The following BTN3A1 variants were observed in gnomAD, a reference collection of about 807,000 sequenced individuals.
BTN3A1 encodes the protein butyrophilin subfamily 3 member A1.
In BTN3A1, 24 loss-of-function variants were observed where a neutral mutation model predicts 43.0. The observed-to-expected ratio is 0.56, with a 90% CI of 0.40 to 0.78. The LOEUF is 0.78. Ranked by LOEUF, BTN3A1 falls within the 30% of genes least tolerant of loss-of-function variation. The pLI is 0.00. For synonymous variants in BTN3A1, 181 were observed against 234.7 expected (o/e 0.77, Z 2.09); for missense variants, 533 against 626.2 (o/e 0.85, Z 1.59).
rs775819336 is a variant in BTN3A1 at position 26,413,320 on chromosome 6, C to A, written c.1170C>A (p.Phe390Leu). Reference protein sequence around the residue: ...WHYCVLGCESFISGRHYWEVE... With the variant: ...WHYCVLGCESLISGRHYWEVE... ...ATTGTGTTCTCGGCTGTGAGAGCTT[C>A]ATATCAGGGAGACATTACTGGGAGG... The change falls in exon 10 of 10, where the codon TTC (phenylalanine) becomes TTA (leucine). Residue 390 changes from phenylalanine to leucine, a missense_variant. By Grantham distance (22) the Phe-to-Leu change is conservative (BLOSUM62 0). This residue lies in a region of BTN3A1 where 415 missense variants were observed against 427.0 expected (regional missense o/e 0.97). Coordinates refer to ENST00000289361, the MANE Select transcript of BTN3A1 (RefSeq NM_007048.6). 6.2e-7 allele frequency: 1 copy of A among 1,614,142 alleles called. No individual in the cohort carries two copies. The highest frequency in any genetic ancestry group is 1.1e-5 in the South Asian group (1 of 91,082).
chr6:26,406,999 A>T (rs944113681), intron 3 of BTN3A1, among the ~76,000 whole-genome samples: 4 of 152,106 alleles, frequency 2.6e-5, no homozygotes, highest in African/African-American at 9.7e-5. Flanking sequence ...CTCATTGCTG[A>T]TGGGGGTTGT....
intron 7 of BTN3A1, among the ~76,000 whole-genome samples, chr6:26,410,905 C>T (rs910538681): frequency 6.7e-6 from 1 of 149,112 alleles, no homozygotes; most frequent in African/African-American, 2.5e-5. Context: ...GCAATGTCTG[C>T]CATGTCACTA....
In BTN3A1 at chr6:26,413,635, T is replaced by C. The variant is rs769033629; in HGVS notation, c.1485T>C (p.Tyr495=). 6.2e-7 allele frequency: 1 copy of C among 1,614,028 alleles called. No individual in the cohort carries two copies. Among genetic ancestry groups the C allele is most frequent in the South Asian group, 1.1e-5 (1 of 91,080 alleles). Residue 495 remains tyrosine (Y), a synonymous_variant, in exon 10 of 10, where the codon TAT becomes TAC. Transcript: ENST00000289361. ...FLDVSFSEAL[Y]PVFRILTLEP... ...ACGTCTCCTTCTCTGAGGCTCTATA[T>C]CCTGTTTTCAGAATTTTGACCTTGG...
chr6:26,407,522 A>G lies in BTN3A1; in HGVS notation c.434-149A>G, dbSNP rs1156528714. 6.2e-6 allele frequency: 6 copies of G among 969,350 alleles called. No homozygotes were observed. The Admixed American group carries it at 7.9e-5, about 13-fold the overall frequency. The allele number at this position is 969,350 out of a possible 1,614,324, so 60.0% of individuals were successfully genotyped here. A position where few individuals can be genotyped will look rare whatever the true frequency, so the allele number is the denominator to read the frequency against. ...CCTGGGATACTGCACTCATTCATGT[A>G]GCTTTCTCCTCACTAGGACCACACT... On this transcript the variant is annotated intron_variant, in intron 3 of 9. Transcript: ENST00000289361.
intron 3 of BTN3A1, 36 bp from the exon 4 acceptor site, chr6:26,407,635 C>T (rs759300601): frequency 1.9e-6 from 3 of 1,604,026 alleles, no homozygotes; most frequent in Admixed American, 3.3e-5. Context: ...CTGATACAGG[C>T]CTCTCAAGAA....
chr6:26,411,618 C>A (rs1205755807), intron 9 of BTN3A1, 37 bp downstream of exon 9: 2 of 1,600,674 alleles, frequency 1.2e-6, no homozygotes, highest in Non-Finnish European at 1.7e-6. Flanking sequence ...GACCAACAAC[C>A]TGAGGGACTA....
rs370669442 is a variant in BTN3A1, at chr6:26,411,543, C to T, written c.992-12C>T. On this transcript the variant is annotated splice_polypyrimidine_tract_variant and intron_variant, in intron 8 of 9. Transcript: ENST00000289361. ...ACTGACCTTTTCCTTATCTGTGTCT[C>T]CTTCCTTTCAGAATGGAAAAAGGCC... 3.7e-6 allele frequency: 6 copies of T among 1,613,328 alleles called. No homozygotes were observed. The African/African-American group carries it at 6.7e-5, about 18-fold the overall frequency.
In BTN3A1 at chr6:26,405,501, T is replaced by C. The variant is rs1761981619; in HGVS notation, c.-63T>C. ...GTGGAGGTTTCCATTTGGAATTCTA[T>C]AGCTTCTTCCAGGTCATAGTGTCTG... On this transcript the variant is annotated 5_prime_UTR_variant, in exon 2 of 10. Transcript: ENST00000289361. 9 of 1,488,036 alleles carry C rather than the reference T, an allele frequency of 6.0e-6. No homozygotes were observed. The highest frequency in any genetic ancestry group is 5.0e-5 in the Admixed American group (3 of 59,726). 92.2% of individuals were successfully genotyped at this position (1,488,036 alleles called of 1,614,324 possible).
chr6:26,409,945 A>G (rs774910093), intron 6 of BTN3A1, 31 bp downstream of exon 6: 2 of 1,614,150 alleles, frequency 1.2e-6, no homozygotes, highest in Admixed American at 1.7e-5. Context: ...AGACCCAGGC[A>G]TGTCTTCCTG....
Position 26,407,939 on chromosome 6 carries a change from C to T in BTN3A1, c.702C>T (p.Ser234=), listed in dbSNP as rs1257328332. The T allele has an allele frequency of 1.9e-6, 3 of 1,614,016 alleles. No homozygotes were observed. The highest frequency in any genetic ancestry group is 1.7e-6 in the Non-Finnish European group (2 of 1,180,002). ...SSLLGLEKTA[S]ISIADPFFRS... Reference sequence around the variant, plus strand: ...TCCTCGGCCTGGAAAAGACAGCCAGCATTTCCATCGCAGGTCAGTACCTGC... The same window carrying T: ...TCCTCGGCCTGGAAAAGACAGCCAGTATTTCCATCGCAGGTCAGTACCTGC... The change falls in exon 4 of 10, where the codon AGC becomes AGT. Residue 234 remains serine, a synonymous_variant. Coordinates refer to ENST00000289361, the MANE Select transcript of BTN3A1 (RefSeq NM_007048.6).
intron 3 of BTN3A1, among the ~76,000 whole-genome samples, chr6:26,407,114 C>T (rs1343425096): frequency 1.3e-5 from 2 of 152,178 alleles, no homozygotes; most frequent in African/African-American, 2.4e-5. Context: ...CACAAAGTGC[C>T]ATCATCTGAT....
chr6:26,413,760 G>C lies in BTN3A1; in HGVS notation c.*68G>C. The C allele has an allele frequency of 2.5e-6, 4 of 1,604,426 alleles. No individual in the cohort carries two copies. The East Asian group carries it at 8.9e-5, about 36-fold the overall frequency. On this transcript the variant is annotated 3_prime_UTR_variant, in exon 10 of 10. Transcript: ENST00000289361. ...ATTCCCTAGAGACACCAGTAACCCC[G>C]GGCTTAGCTAACGAAAGTGGGGAGC...
rs1761980857 is a variant in BTN3A1 at position 26,405,473 on chromosome 6, GA to G, written c.-89del. ...TCACCATACTTGAGTTAGCTCTAGG[GA>G]AGTGGAGGTTTCCATTTGGAATTCT... On this transcript the variant is annotated 5_prime_UTR_variant, in exon 2 of 10. Transcript: ENST00000289361. The G allele has an allele frequency of 2.5e-5, 32 of 1,256,092 alleles. No homozygotes were observed. Among genetic ancestry groups the G allele is most frequent in the Non-Finnish European group, 3.7e-5 (32 of 857,310 alleles). 77.8% of individuals were successfully genotyped at this position (1,256,092 alleles called of 1,614,324 possible).
Position 26,414,469 on chromosome 6 carries a change from A to G in BTN3A1, c.*777A>G, listed in dbSNP as rs989855925. The stretch of plus-strand genomic sequence containing the variant: ...TCTGCAGAGTGTCTTGGTTGAGAGA[A>G]TAACCTCACCGTACCCACATGACAC... On this transcript the variant is annotated 3_prime_UTR_variant, in exon 10 of 10. Transcript: ENST00000289361. 9 of 152,430 alleles carry G rather than the reference A, an allele frequency of 5.9e-5. No homozygotes were observed. Among genetic ancestry groups the G allele is most frequent in the African/African-American group, 2.2e-4 (9 of 41,440 alleles). 9.4% of individuals were successfully genotyped at this position (152,430 alleles called of 1,614,324 possible). A position where few individuals can be genotyped will look rare whatever the true frequency, so the allele number is the denominator to read the frequency against.
At chr6:26,408,023 G>A in intron 4 of BTN3A1, 71 bp downstream of exon 4, 1 of 1,585,984 alleles carries the variant, frequency 6.3e-7, no homozygotes, top group African/African-American at 1.3e-5. Context: ...AGGTGTTAGT[G>A]TCTGCAGTCA....
At chr6:26,412,798 G>A in intron 9 of BTN3A1, 1 of 1,551,190 alleles carries the variant, frequency 6.4e-7, no homozygotes, top group Non-Finnish European at 8.7e-7. Flanking sequence ...TTTAGCTCAT[G>A]AGTGGTCGAA....
At chr6:26,407,640 C>A in intron 3 of BTN3A1, 31 bp from the exon 4 acceptor site, 1 of 1,607,908 alleles carries the variant, frequency 6.2e-7, no homozygotes. Context: ...ACAGGCCTCT[C>A]AAGAATTTAG....
intron 4 of BTN3A1, among the ~76,000 whole-genome samples, chr6:26,408,281 A>T (rs994611340): frequency 3.9e-5 from 6 of 152,224 alleles, no homozygotes; most frequent in African/African-American, 1.4e-4. Flanking sequence ...AGAAAGAGCC[A>T]ATCTCCTTGA....
Position 26,415,130 on chromosome 6 carries a change from T to C in BTN3A1, c.*1438T>C, listed in dbSNP as rs1012922868. 4 of 152,190 alleles carry C rather than the reference T, an allele frequency of 2.6e-5. No individual in the cohort carries two copies. Among genetic ancestry groups the C allele is most frequent in the Non-Finnish European group, 5.9e-5 (4 of 68,026 alleles). The allele number at this position is 152,190 out of a possible 1,614,324, so 9.4% of individuals were successfully genotyped here. ...CTACTCCTCATTATCATCATTATTA[T>C]TGCTCTCCACTGTATCCCCTCTACC... On this transcript the variant is annotated 3_prime_UTR_variant, in exon 10 of 10. Transcript: ENST00000289361.
Sources: gnomAD v4.1 joint callset for allele counts (sites outside exome capture counted in the v4.1 genomes callset) on GRCh38, gnomAD v4.1.1 for gene constraint, gnomAD v4.1.1 regional missense constraint, MANE v1.5 for transcripts, NCBI Gene and HGNC (gene_info 2026-07-23, HGNC 2026-07-21) for gene names.